The following CCSER1 variants were observed in gnomAD, a reference collection of about 807,000 sequenced individuals.
CCSER1 encodes serine-rich coiled-coil domain-containing protein 1.
A neutral mutation model predicts 82.0 loss-of-function variants in CCSER1; 41 were observed. That is an observed-to-expected ratio of 0.50 (90% CI 0.39 to 0.65). The LOEUF (loss-of-function observed/expected upper bound fraction) is 0.65. Among genes scored for constraint, CCSER1 ranks in the 30% least tolerant of loss-of-function variants. The probability of loss-of-function intolerance (pLI) is 0.00; values close to 1 mark genes in which losing one functional copy is unlikely to be tolerated. For missense variants in CCSER1, 1,119 were observed against 1,064.2 expected, an observed-to-expected ratio of 1.05 and a Z score of -0.72; for synonymous variants, 414 against 383.9, an observed-to-expected ratio of 1.08 and a Z score of -0.92.
chr4:91,468,027 A>G (rs564642475), intron 10 of CCSER1, among the ~76,000 whole-genome samples: 3 of 152,234 alleles, frequency 2.0e-5, no homozygotes, highest in Non-Finnish European at 4.4e-5. Flanking sequence ...ATTATAAATC[A>G]TGCTGCTATA....
intron 6 of CCSER1, among the ~76,000 whole-genome samples, chr4:90,687,177 C>T (rs1461120498): frequency 1.3e-5 from 2 of 152,070 alleles, no homozygotes; most frequent in African/African-American, 4.8e-5. Flanking sequence ...CAGAATTATT[C>T]TCTCAATGTC....
chr4:90,309,372 C>T lies in CCSER1; in HGVS notation c.1088C>T (p.Ser363Leu). The stretch of plus-strand genomic sequence containing the variant: ...CTACCTGCTACAAGTGTGAGCCACT[C>T]AGAGAGTAACCTACCAGCAGATAGT... ...AELPATSVSH[S>L]ESNLPADSER... Residue 363 changes from serine (S) to leucine (L), a missense_variant, in exon 2 of 11, where the codon TCA becomes TTA. Coordinates refer to ENST00000509176, the MANE Select transcript of CCSER1 (RefSeq NM_001145065.2). 6.2e-7 allele frequency: 1 copy of T among 1,613,784 alleles called. No homozygotes were observed. Among genetic ancestry groups the T allele is most frequent in the Non-Finnish European group, 8.5e-7 (1 of 1,179,806 alleles).
At chr4:90,189,733 A>C (rs193302770) in intron 1 of CCSER1, among the ~76,000 whole-genome samples, 1 of 152,000 alleles carries the variant, frequency 6.6e-6, no homozygotes, top group African/African-American at 2.4e-5. Context: ...TAGCCAACAC[A>C]TGGAGCTCTT....
At chr4:90,457,956 C>T (rs1762397988) in intron 4 of CCSER1, among the ~76,000 whole-genome samples, 1 of 152,146 alleles carries the variant, frequency 6.6e-6, no homozygotes, top group Non-Finnish European at 1.5e-5. Flanking sequence ...CAGAGGGGCT[C>T]GAGACAGCAG....
At chr4:90,253,007 C>A (rs897564122) in intron 1 of CCSER1, among the ~76,000 whole-genome samples, 5 of 151,784 alleles carry the variant, frequency 3.3e-5, no homozygotes, top group Non-Finnish European at 5.9e-5. Context: ...CTGACAATCT[C>A]TTTTTGATTG....
intron 9 of CCSER1, among the ~76,000 whole-genome samples, chr4:90,965,896 G>C (rs1734516712): frequency 6.6e-6 from 1 of 151,992 alleles, no homozygotes; most frequent in East Asian, 1.9e-4. Flanking sequence ...CCTGAATAAA[G>C]AAATCAGCAA....
chr4:90,304,817 A>T (rs928443248), intron 1 of CCSER1, among the ~76,000 whole-genome samples: 13 of 152,288 alleles, frequency 8.5e-5, no homozygotes, highest in East Asian at 1.9e-4. Flanking sequence ...AAAATAAAAA[A>T]AAATAAAATT....
intron 9 of CCSER1, among the ~76,000 whole-genome samples, chr4:90,935,573 T>G (rs2150311604): frequency 6.6e-6 from 1 of 152,336 alleles, no homozygotes; most frequent in African/African-American, 2.4e-5. Context: ...ACTACAAGTC[T>G]GTTTTTCTGT....
chr4:91,528,127 G>A (rs963139006), intron 10 of CCSER1, among the ~76,000 whole-genome samples: 3 of 152,048 alleles, frequency 2.0e-5, no homozygotes, highest in African/African-American at 7.2e-5. Context: ...CACCATGTTG[G>A]CCAGGAAGGT....
intron 10 of CCSER1, among the ~76,000 whole-genome samples, chr4:91,516,940 C>T (rs1041050924): frequency 5.9e-5 from 9 of 151,898 alleles, no homozygotes; most frequent in African/African-American, 2.2e-4. Context: ...AGCTGTATTC[C>T]TAGGTATTCT....
rs532440726 is a variant in CCSER1 at position 90,284,847 on chromosome 4, A to T, written c.-41-23397A>T. ...TATGGGTCTAGTTTTATTCTTCTGC[A>T]TATGGATATCCAGTTTTCCCAGCAC... On this transcript the variant is annotated intron_variant, in intron 1 of 10. Transcript: ENST00000509176. Among the ~76,000 whole-genome samples, 7 of 152,136 alleles carry T rather than the reference A, an allele frequency of 4.6e-5. No homozygotes were observed. In the East Asian group the frequency reaches 1.2e-3, roughly 25 times the overall value.
intron 7 of CCSER1, among the ~76,000 whole-genome samples, chr4:90,728,741 G>A (rs918197551): frequency 6.6e-6 from 1 of 152,078 alleles, no homozygotes; most frequent in African/African-American, 2.4e-5. Context: ...TTAACTTTAC[G>A]TGACCATAGA....
At chr4:91,421,998 G>T (rs1753706704) in intron 10 of CCSER1, among the ~76,000 whole-genome samples, 1 of 151,936 alleles carries the variant, frequency 6.6e-6, no homozygotes, top group Non-Finnish European at 1.5e-5. Context: ...CAAGAAAAGG[G>T]GACCTCAGTT....
chr4:90,607,825 A>G (rs1784931587), intron 5 of CCSER1, among the ~76,000 whole-genome samples: 1 of 152,176 alleles, frequency 6.6e-6, no homozygotes, highest in Non-Finnish European at 1.5e-5. Context: ...TTAAACATGG[A>G]TCTTGAAATT....
At chr4:90,226,073 G>C (rs1412395823) in intron 1 of CCSER1, among the ~76,000 whole-genome samples, 2 of 152,234 alleles carry the variant, frequency 1.3e-5, no homozygotes, top group African/African-American at 4.8e-5. Context: ...GAATGAGAGA[G>C]ATGCCTGGTT....
At chr4:90,232,041 T>G (rs1744682208) in intron 1 of CCSER1, among the ~76,000 whole-genome samples, 1 of 152,084 alleles carries the variant, frequency 6.6e-6, no homozygotes, top group South Asian at 2.1e-4. Context: ...AAAATGGCCA[T>G]TCTGCCCAAG....
intron 1 of CCSER1, among the ~76,000 whole-genome samples, chr4:90,145,993 G>A (rs1470560518): frequency 6.6e-6 from 1 of 151,916 alleles, no homozygotes; most frequent in Admixed American, 6.6e-5. Context: ...TTGATAATTG[G>A]CATTTGCAGG....
intron 10 of CCSER1, among the ~76,000 whole-genome samples, chr4:91,323,794 C>T (rs1460869239): frequency 1.3e-5 from 2 of 152,148 alleles, no homozygotes; most frequent in Non-Finnish European, 2.9e-5. Context: ...ATGCATAGTT[C>T]CATGGGGAAT....
At chr4:91,005,928 AT>A (rs1738463682) in intron 9 of CCSER1, among the ~76,000 whole-genome samples, 1 of 152,148 alleles carries the variant, frequency 6.6e-6, no homozygotes, top group South Asian at 2.1e-4. Context: ...CCACTGGTCT[AT>A]ATGTCTGTTT....
Sources: allele counts gnomAD v4.1 joint callset (sites outside exome capture counted in the v4.1 genomes callset), GRCh38; gene constraint gnomAD v4.1.1; transcripts MANE v1.5; gene names NCBI Gene and HGNC (gene_info 2026-07-23, HGNC 2026-07-21).